Variants in ATP10A observed in about 807,000 individuals in gnomAD.
ATP10A encodes the protein phospholipid-transporting ATPase VA.
Under a neutral mutation model 147.8 loss-of-function variants are expected in ATP10A, and 111 were observed. The ratio of observed to expected loss-of-function variants is 0.75; its 90% CI spans 0.64 to 0.88. The LOEUF is 0.88. Among genes scored for constraint, ATP10A ranks in the 40% least tolerant of loss-of-function variants. The probability of loss-of-function intolerance (pLI) is 0.00; values close to 1 mark genes in which losing one functional copy is unlikely to be tolerated. For synonymous variants in ATP10A, 875 were observed against 841.6 expected, an observed-to-expected ratio of 1.04 and a Z score of -0.69; for missense variants, 1,927 against 1,959.0, an observed-to-expected ratio of 0.98 and a Z score of 0.31.
chr15:25,797,929 C>T (rs1247099767), intron 1 of ATP10A, among the ~76,000 whole-genome samples: 1 of 152,170 alleles, frequency 6.6e-6, no homozygotes, highest in Non-Finnish European at 1.5e-5. Flanking sequence ...AAGTGTGTTA[C>T]CCAGAGAGCA....
intron 2 of ATP10A, among the ~76,000 whole-genome samples, chr15:25,766,446 C>T (rs994120524): frequency 2.0e-5 from 3 of 152,122 alleles, no homozygotes; most frequent in Non-Finnish European, 2.9e-5. Flanking sequence ...TGGTCAGGCC[C>T]TCAGACCCAA....
At chr15:25,724,421 C>T (rs1344392178) in intron 5 of ATP10A, among the ~76,000 whole-genome samples, 2 of 152,224 alleles carry the variant, frequency 1.3e-5, no homozygotes, top group Non-Finnish European at 2.9e-5. Context: ...CCATTATTGT[C>T]CTTTCCTGAG....
At chr15:25,682,009 A>G (rs1384647406) in intron 17 of ATP10A, among the ~76,000 whole-genome samples, 2 of 150,016 alleles carry the variant, frequency 1.3e-5, no homozygotes, top group South Asian at 2.1e-4. Context: ...AGCCGAGATC[A>G]CACCACTGCC....
chr15:25,710,538 T>C (rs981696250), intron 10 of ATP10A: 2 of 152,122 alleles, frequency 1.3e-5, no homozygotes, highest in African/African-American at 2.4e-5. Flanking sequence ...CTCAGAGGGA[T>C]GAGGGTAGCC....
chr15:25,727,904 G>A (rs549575876), intron 3 of ATP10A, among the ~76,000 whole-genome samples: 2 of 152,322 alleles, frequency 1.3e-5, no homozygotes, highest in South Asian at 4.1e-4. Flanking sequence ...TGATGACCCA[G>A]GCTGGCTGGG....
chr15:25,767,620 C>A (rs1413476294), intron 2 of ATP10A, among the ~76,000 whole-genome samples: 1 of 152,222 alleles, frequency 6.6e-6, no homozygotes, highest in Non-Finnish European at 1.5e-5. Flanking sequence ...ACCCCAGTGC[C>A]TGGCCCACCC....
chr15:25,808,134 A>G (rs1891278424), intron 1 of ATP10A, among the ~76,000 whole-genome samples: 1 of 152,264 alleles, frequency 6.6e-6, no homozygotes, highest in South Asian at 2.1e-4. Flanking sequence ...ATATGAAAAC[A>G]GCATTGCCAT....
chr15:25,806,374 A>G (rs1015487516), intron 1 of ATP10A, among the ~76,000 whole-genome samples: 2 of 151,886 alleles, frequency 1.3e-5, no homozygotes, highest in Non-Finnish European at 2.9e-5. Flanking sequence ...GTGCAGTGGC[A>G]CGATCTCTGC....
At chr15:25,746,150 A>G (rs1887834580) in intron 2 of ATP10A, among the ~76,000 whole-genome samples, 1 of 152,178 alleles carries the variant, frequency 6.6e-6, no homozygotes, top group Non-Finnish European at 1.5e-5. Context: ...GATACTAGAA[A>G]AGTGTGAAAA....
chr15:25,763,685 C>T (rs1888874962), intron 2 of ATP10A, among the ~76,000 whole-genome samples: 2 of 152,192 alleles, frequency 1.3e-5, no homozygotes, highest in African/African-American at 4.8e-5. Flanking sequence ...TGATTCACTC[C>T]AGGAAGCACA....
chr15:25,854,436 G>A (rs1893422082), intron 1 of ATP10A, among the ~76,000 whole-genome samples: 1 of 152,082 alleles, frequency 6.6e-6, no homozygotes, highest in African/African-American at 2.4e-5. Flanking sequence ...GGAATAGGGG[G>A]AAAGAAAATC....
rs192684401 is a variant in ATP10A, at chr15:25,727,644, C to T, written c.741-378G>A. 2.4e-3 allele frequency among the ~76,000 whole-genome samples: 373 copies of T among 152,322 alleles called. 1 individual carries two copies. The highest frequency in any genetic ancestry group is 8.6e-3 in the African/African-American group (359 of 41,576). On this transcript the variant is annotated intron_variant, in intron 3 of 20. Transcript: ENST00000555815. ...CTCCTGCTCAACACAGGAAATGTTA[C>T]TCCTAATCAGTCTCAAGTTGTCATA...
At chr15:25,755,209 T>C (rs184413995) in intron 2 of ATP10A, among the ~76,000 whole-genome samples, 2 of 152,270 alleles carry the variant, frequency 1.3e-5, no homozygotes, top group East Asian at 3.9e-4. Context: ...GTTCGAAAAT[T>C]TCCTAAACCT....
At chr15:25,826,205 A>G (rs12904249) in intron 1 of ATP10A, among the ~76,000 whole-genome samples, 89,380 of 152,012 alleles carry the variant, frequency 0.59, 29,865 homozygotes, top group East Asian at 0.76. Context: ...AAACAGATGT[A>G]TGAATAATGG....
chr15:25,838,938 G>C (rs929706531), intron 1 of ATP10A, among the ~76,000 whole-genome samples: 1 of 152,156 alleles, frequency 6.6e-6, no homozygotes, highest in South Asian at 2.1e-4. Context: ...CTGTAAACTT[G>C]TCTGGTGGAG....
intron 4 of ATP10A, among the ~76,000 whole-genome samples, chr15:25,726,558 C>G: frequency 6.6e-6 from 1 of 151,752 alleles, no homozygotes; most frequent in African/African-American, 2.4e-5. Flanking sequence ...TCTCCTGCCT[C>G]GGCCTCCCTA....
chr15:25,721,137 C>T (rs938683528), intron 7 of ATP10A, among the ~76,000 whole-genome samples: 1 of 152,128 alleles, frequency 6.6e-6, no homozygotes, highest in African/African-American at 2.4e-5. Context: ...AAGGAGGCAG[C>T]CACAGATAAG....
At chr15:25,765,939 C>T (rs1888996377) in intron 2 of ATP10A, among the ~76,000 whole-genome samples, 1 of 152,156 alleles carries the variant, frequency 6.6e-6, no homozygotes, top group Admixed American at 6.5e-5. Context: ...GACATCATTC[C>T]CATTTTGCAG....
chr15:25,796,402 C>G (rs1890672310), intron 1 of ATP10A, among the ~76,000 whole-genome samples: 1 of 6,612 alleles, frequency 1.5e-4, no homozygotes, highest in Non-Finnish European at 4.2e-3. Context: ...GAGACCCTGT[C>G]TCAAAAAAAA....
Sources: gnomAD v4.1 joint callset for allele counts (sites outside exome capture counted in the v4.1 genomes callset) on GRCh38, gnomAD v4.1.1 for gene constraint, MANE v1.5 for transcripts, NCBI Gene and HGNC (gene_info 2026-07-23, HGNC 2026-07-21) for gene names.